TXNRD1: variants seen among roughly 807,000 people sequenced by gnomAD.
TXNRD1 encodes thioredoxin reductase 1, cytoplasmic.
TXNRD1 carries 57 observed loss-of-function variants against 80.3 expected under a neutral mutation model. The ratio of observed to expected loss-of-function variants is 0.71; its 90% confidence interval spans 0.57 to 0.89. The LOEUF (loss-of-function observed/expected upper bound fraction) is 0.89, where lower values mean the gene tolerates loss of function less well. Ranked by LOEUF, TXNRD1 falls within the 40% of genes least tolerant of loss-of-function variation. The probability of loss-of-function intolerance (pLI) is 0.00; values close to 1 mark genes in which losing one functional copy is unlikely to be tolerated. For missense variants in TXNRD1, 730 were observed against 803.0 expected (o/e 0.91, Z 1.10); for synonymous variants, 291 against 285.2 (o/e 1.02, Z -0.20).
At chr12:104,243,592 C>T (rs2032920871) in intron 1 of TXNRD1, among the ~76,000 whole-genome samples, 1 of 152,174 alleles carries the variant, frequency 6.6e-6, no homozygotes, top group African/African-American at 2.4e-5. Flanking sequence ...TGAGCTTGAA[C>T]TGAATGAGTT....
At chr12:104,325,595 C>T (rs948560817) in intron 11 of TXNRD1, among the ~76,000 whole-genome samples, 166 bp downstream of exon 11, 3 of 152,072 alleles carry the variant, frequency 2.0e-5, no homozygotes, top group Non-Finnish European at 4.4e-5. Context: ...TTTTGGTGGC[C>T]AGGTGTGTTA....
chr12:104,309,708 T>A, intron 4 of TXNRD1: 1 of 1,379,178 alleles, frequency 7.3e-7, no homozygotes, highest in Non-Finnish European at 9.7e-7. Flanking sequence ...TGAAGCATAA[T>A]TGATCCTTTG....
At chr12:104,327,755 G>A (rs988698780) in intron 13 of TXNRD1, 84 bp downstream of exon 13, 48 of 1,446,874 alleles carry the variant, frequency 3.3e-5, no homozygotes, top group East Asian at 1.7e-4. Context: ...GGGAAGTTTC[G>A]CAGATCTTGA....
At chr12:104,287,228 G>T in intron 3 of TXNRD1, 2 of 1,611,870 alleles carry the variant, frequency 1.2e-6, no homozygotes, top group African/African-American at 1.3e-5. Context: ...TGTGCGTCTC[G>T]GGGAAGGGAA....
At chr12:104,234,871 G>A (rs559846599) in intron 1 of TXNRD1, among the ~76,000 whole-genome samples, 37 of 152,258 alleles carry the variant, frequency 2.4e-4, no homozygotes, top group Non-Finnish European at 4.4e-5. Flanking sequence ...AATAGGAAAA[G>A]AGGCAATACC....
intron 3 of TXNRD1, among the ~76,000 whole-genome samples, chr12:104,267,927 G>A (rs1360020853): frequency 6.7e-6 from 1 of 149,208 alleles, no homozygotes; most frequent in Non-Finnish European, 1.5e-5. Context: ...TGGGCTCACT[G>A]CAACCTCCAT....
Position 104,306,803 on chromosome 12 carries a change from T to G in TXNRD1, c.415-4487T>G, listed in dbSNP as rs2034934232. 3.3e-5 allele frequency among the ~76,000 whole-genome samples: 5 copies of G among 152,342 alleles called. No individual in the cohort carries two copies. In the South Asian group the frequency reaches 1.0e-3, roughly 32 times the overall value. On this transcript the variant is annotated intron_variant, in intron 4 of 16. Transcript: ENST00000525566. ...ACCATTTGATCTCACTCATCCTCAT[T>G]TCCAGCATGTCTCTACCAACCAAGT...
chr12:104,299,540 G>A (rs966840957), intron 4 of TXNRD1, among the ~76,000 whole-genome samples: 25 of 151,866 alleles, frequency 1.6e-4, no homozygotes, highest in African/African-American at 6.1e-4. Flanking sequence ...AGGCTGAGGC[G>A]GGCGGATCAC....
At chr12:104,318,864 G>C in intron 7 of TXNRD1, 49 bp from the exon 8 acceptor site, 1 of 1,582,304 alleles carries the variant, frequency 6.3e-7, no homozygotes, top group Non-Finnish European at 8.6e-7. Flanking sequence ...AATGATCTTT[G>C]CCAGCAGTTG....
At chr12:104,241,942 T>TTTTC (rs1322689265) in intron 1 of TXNRD1, among the ~76,000 whole-genome samples, 2 of 134,870 alleles carry the variant, frequency 1.5e-5, no homozygotes, top group African/African-American at 5.5e-5. Context: ...TAATGATTTT[T>TTTTC]TTTTTTTTTT....
intron 3 of TXNRD1, chr12:104,276,634 T>C (rs2033764142): frequency 6.6e-6 from 1 of 152,220 alleles, no homozygotes; most frequent in Admixed American, 6.5e-5. Context: ...CCAGTTGAAT[T>C]TGAAGCTTGA....
intron 4 of TXNRD1, among the ~76,000 whole-genome samples, chr12:104,301,473 G>T (rs1183235492): frequency 1.3e-5 from 2 of 152,274 alleles, no homozygotes; most frequent in East Asian, 3.9e-4. Context: ...GAGTAGCTGG[G>T]ACTACAGGCG....
At chr12:104,304,345 C>T in intron 4 of TXNRD1, 2 of 1,614,020 alleles carry the variant, frequency 1.2e-6, no homozygotes. Flanking sequence ...GCGATCCTGA[C>T]AAGTTGAGTG....
intron 1 of TXNRD1, among the ~76,000 whole-genome samples, chr12:104,237,062 A>C (rs73394524): frequency 0.076 from 11,569 of 152,198 alleles, 575 homozygotes; most frequent in Middle Eastern, 0.17. Context: ...AACAAGAAAC[A>C]AATCAAAAAA....
intron 1 of TXNRD1, among the ~76,000 whole-genome samples, chr12:104,236,885 G>A (rs772020931): frequency 8.6e-5 from 13 of 151,004 alleles, no homozygotes; most frequent in Non-Finnish European, 1.8e-4. Context: ...TGTTTTTCTG[G>A]AAAAAGGCTC....
intron 3 of TXNRD1, among the ~76,000 whole-genome samples, chr12:104,259,502 T>G (rs1186569896): frequency 6.6e-6 from 1 of 150,384 alleles, no homozygotes; most frequent in East Asian, 1.9e-4. Context: ...TTTTTTTTTT[T>G]TTTTTTGAGA....
intron 1 of TXNRD1, among the ~76,000 whole-genome samples, chr12:104,241,039 T>C (rs1247145261): frequency 7.2e-6 from 1 of 138,990 alleles, no homozygotes; most frequent in African/African-American, 2.7e-5. Context: ...CTGCGCCCAG[T>C]TTTTTTTTTT....
At chr12:104,267,560 G>A (rs568338481) in intron 3 of TXNRD1, among the ~76,000 whole-genome samples, 14 of 149,700 alleles carry the variant, frequency 9.4e-5, no homozygotes, top group African/African-American at 2.2e-4. Context: ...AGACTATCCC[G>A]TAGAACCTTC....
At chr12:104,294,558 CAT>C (rs1292525855) in intron 4 of TXNRD1, among the ~76,000 whole-genome samples, 4 of 152,274 alleles carry the variant, frequency 2.6e-5, no homozygotes, top group East Asian at 1.9e-4. Flanking sequence ...TAATGATACT[CAT>C]ATATAATCAC....
Sources: allele counts gnomAD v4.1 joint callset (sites outside exome capture counted in the v4.1 genomes callset), GRCh38; gene constraint gnomAD v4.1.1; transcripts MANE v1.5; gene names NCBI Gene and HGNC (gene_info 2026-07-23, HGNC 2026-07-21).